The following SCAPER variants were observed in gnomAD, a reference collection of about 807,000 sequenced individuals.
SCAPER encodes S phase cyclin A-associated protein in the endoplasmic reticulum.
SCAPER carries 98 observed loss-of-function variants against 182.2 expected under a neutral mutation model. The ratio of observed to expected loss-of-function variants is 0.54; its 90% confidence interval spans 0.46 to 0.64. The LOEUF (loss-of-function observed/expected upper bound fraction) is 0.64, where lower values mean the gene tolerates loss of function less well. Among genes scored for constraint, SCAPER ranks in the 30% least tolerant of loss-of-function variants. SCAPER has a pLI of 0.00. For missense variants in SCAPER, 1,432 were observed against 1,690.0 expected, an observed-to-expected ratio of 0.85 and a Z score of 2.68; for synonymous variants, 605 against 564.6, an observed-to-expected ratio of 1.07 and a Z score of -1.01.
At chr15:76,876,255 G>T (rs1051659810) in intron 2 of SCAPER, among the ~76,000 whole-genome samples, 3 of 152,112 alleles carry the variant, frequency 2.0e-5, no homozygotes, top group African/African-American at 7.2e-5. Context: ...CCAGAGAGGG[G>T]CCCCCACAGC....
At chr15:76,686,991 G>A (rs1164765141) in intron 20 of SCAPER, among the ~76,000 whole-genome samples, 7 of 152,012 alleles carry the variant, frequency 4.6e-5, no homozygotes, top group Non-Finnish European at 1.0e-4. Context: ...TATTCAAGGA[G>A]AAAGGCATTA....
chr15:76,586,841 CTT>C (rs1381206764), intron 22 of SCAPER: 1 of 151,944 alleles, frequency 6.6e-6, no homozygotes, highest in African/African-American at 2.4e-5. Flanking sequence ...AGGATTCCCT[CTT>C]TCTCTATCTC....
chr15:76,847,918 C>T lies in SCAPER; in HGVS notation c.196-5987G>A, dbSNP rs2070285514. On this transcript the variant is annotated intron_variant, in intron 4 of 31. Transcript: ENST00000563290. The stretch of plus-strand genomic sequence containing the variant: ...CCTGGGAAACAGAGCAAGACCCTGC[C>T]TCTAAAAACATTTTTTAATTAAAAT... Among the ~76,000 whole-genome samples, 3 of 152,252 alleles carry T rather than the reference C, an allele frequency of 2.0e-5. No individual in the cohort carries two copies. In the South Asian group the frequency reaches 6.2e-4, roughly 32 times the overall value.
At chr15:76,408,609 G>A (rs1049245978) in intron 26 of SCAPER, among the ~76,000 whole-genome samples, 10 of 151,798 alleles carry the variant, frequency 6.6e-5, no homozygotes, top group African/African-American at 2.2e-4. Flanking sequence ...ATAGTCTCAC[G>A]AGCAAGGTAC....
At chr15:76,634,521 T>C (rs1292000022) in intron 21 of SCAPER, among the ~76,000 whole-genome samples, 1 of 152,212 alleles carries the variant, frequency 6.6e-6, no homozygotes, top group Non-Finnish European at 1.5e-5. Context: ...TGAAGCTGTA[T>C]ACCAATTTTG....
chr15:76,390,876 G>C (rs2043646123), intron 27 of SCAPER, among the ~76,000 whole-genome samples: 1 of 152,190 alleles, frequency 6.6e-6, no homozygotes, highest in Non-Finnish European at 1.5e-5. Flanking sequence ...ATCAGGTGCT[G>C]CATTAAGATT....
chr15:76,509,797 G>A (rs1055249865), intron 23 of SCAPER, among the ~76,000 whole-genome samples: 24 of 152,090 alleles, frequency 1.6e-4, no homozygotes, highest in Non-Finnish European at 3.1e-4. Context: ...CGAATCTGGA[G>A]GCATCACATT....
At chr15:76,681,504 T>C (rs975232083) in intron 20 of SCAPER, among the ~76,000 whole-genome samples, 3 of 152,032 alleles carry the variant, frequency 2.0e-5, no homozygotes, top group African/African-American at 2.4e-5. Context: ...CACCCAGTGA[T>C]TGGGACATGG....
chr15:76,773,135 G>A (rs2063560248), intron 9 of SCAPER, among the ~76,000 whole-genome samples: 1 of 151,730 alleles, frequency 6.6e-6, no homozygotes, highest in Non-Finnish European at 1.5e-5. Context: ...CATTACTTAT[G>A]TGTACACTAC....
At chr15:76,744,379 AAACAATGCAT>A (rs1176256581) in intron 15 of SCAPER, among the ~76,000 whole-genome samples, 1 of 152,306 alleles carries the variant, frequency 6.6e-6, no homozygotes, top group South Asian at 2.1e-4. Context: ...CAATATTTGC[AAACAATGCAT>A]CTAACAAAGT....
At chr15:76,615,261 G>C (rs899945524) in intron 22 of SCAPER, among the ~76,000 whole-genome samples, 1 of 151,964 alleles carries the variant, frequency 6.6e-6, no homozygotes, top group South Asian at 2.1e-4. Context: ...CCTGGGCTAC[G>C]TGGTAAGACC....
chr15:76,637,296 C>A (rs1431558462), intron 21 of SCAPER, among the ~76,000 whole-genome samples: 2 of 152,090 alleles, frequency 1.3e-5, no homozygotes, highest in African/African-American at 4.8e-5. Context: ...ATATAGAAAT[C>A]CTATGTTTAA....
chr15:76,563,354 C>T (rs1487582551), intron 23 of SCAPER, among the ~76,000 whole-genome samples: 2 of 152,076 alleles, frequency 1.3e-5, no homozygotes, highest in Non-Finnish European at 2.9e-5. Flanking sequence ...CCACTGAACG[C>T]ACAGAAATAC....
At chr15:76,839,506 T>C (rs1568303151) in intron 5 of SCAPER, among the ~76,000 whole-genome samples, 1 of 152,208 alleles carries the variant, frequency 6.6e-6, no homozygotes, top group Non-Finnish European at 1.5e-5. Flanking sequence ...ACGTTAAATT[T>C]TATCTTCTTA....
At chr15:76,759,891 T>C (rs1263532262) in intron 14 of SCAPER, among the ~76,000 whole-genome samples, 1 of 152,218 alleles carries the variant, frequency 6.6e-6, no homozygotes, top group African/African-American at 2.4e-5. Context: ...TCTGCATCTA[T>C]GTTCATCTGG....
chr15:76,521,896 G>A (rs751325192), intron 23 of SCAPER, among the ~76,000 whole-genome samples: 64 of 152,126 alleles, frequency 4.2e-4, no homozygotes, highest in Admixed American at 2.6e-4. Flanking sequence ...CAGTCTTATC[G>A]CCCTGTGTCC....
chr15:76,395,789 C>T (rs1202103062), intron 27 of SCAPER, among the ~76,000 whole-genome samples: 1 of 152,122 alleles, frequency 6.6e-6, no homozygotes, highest in African/African-American at 2.4e-5. Context: ...TTTCTCTCTT[C>T]TGTGGATTGT....
chr15:76,810,416 T>C (rs1304614297), intron 5 of SCAPER, among the ~76,000 whole-genome samples: 1 of 151,642 alleles, frequency 6.6e-6, no homozygotes, highest in Non-Finnish European at 1.5e-5. Flanking sequence ...GTCAAGGTGT[T>C]ATCAGCTTAA....
At chr15:76,395,331 TA>T (rs1190784113) in intron 27 of SCAPER, among the ~76,000 whole-genome samples, 1 of 152,190 alleles carries the variant, frequency 6.6e-6, no homozygotes, top group African/African-American at 2.4e-5. Flanking sequence ...ATCTCTTTGA[TA>T]TACTGATTTC....
Sources: gnomAD v4.1 joint callset for allele counts (sites outside exome capture counted in the v4.1 genomes callset) on GRCh38, gnomAD v4.1.1 for gene constraint, MANE v1.5 for transcripts, NCBI Gene and HGNC (gene_info 2026-07-23, HGNC 2026-07-21) for gene names.